DCDC2C: variants seen among roughly 807,000 people sequenced by gnomAD.
The protein encoded by DCDC2C is doublecortin domain-containing protein 2C.
A neutral mutation model predicts 45.0 loss-of-function variants in DCDC2C; 44 were observed. That is an observed-to-expected ratio of 0.98 (90% CI 0.77 to 1.26). The LOEUF (loss-of-function observed/expected upper bound fraction) is 1.26, where lower values mean the gene tolerates loss of function less well. DCDC2C is among the 50% of genes most tolerant of loss of function. DCDC2C has a pLI of 0.00. For missense variants in DCDC2C, 447 were observed against 468.9 expected, an observed-to-expected ratio of 0.95 and a Z score of 0.43; for synonymous variants, 187 against 178.8, an observed-to-expected ratio of 1.05 and a Z score of -0.37.
intron 10 of DCDC2C, among the ~76,000 whole-genome samples, chr2:3,835,350 A>G (rs572488636): frequency 5.3e-5 from 8 of 152,348 alleles, no homozygotes; most frequent in African/African-American, 1.9e-4. Flanking sequence ...GGTTTGCAAT[A>G]AAAATAGAGA....
intron 2 of DCDC2C, among the ~76,000 whole-genome samples, chr2:3,723,886 A>C (rs577147426): frequency 2.0e-5 from 3 of 152,240 alleles, no homozygotes; most frequent in Admixed American, 2.0e-4. Flanking sequence ...GGCTATGGAT[A>C]AAATCAGCAA....
chr2:3,730,049 T>C (rs1390126074), intron 3 of DCDC2C, among the ~76,000 whole-genome samples: 2 of 152,198 alleles, frequency 1.3e-5, no homozygotes, highest in East Asian at 3.8e-4. Flanking sequence ...AGCCGTTGCT[T>C]CCAGCTGCTG....
chr2:3,755,683 G>C (rs1669691462), intron 6 of DCDC2C, among the ~76,000 whole-genome samples: 1 of 152,050 alleles, frequency 6.6e-6, no homozygotes, highest in South Asian at 2.1e-4. Flanking sequence ...GTGTGGATGT[G>C]TGTATGGATG....
chr2:3,797,801 A>G (rs1336130305), intron 10 of DCDC2C, among the ~76,000 whole-genome samples: 1 of 151,468 alleles, frequency 6.6e-6, no homozygotes, highest in Non-Finnish European at 1.5e-5. Flanking sequence ...TATGTGGTCA[A>G]TTTTGAAATA....
intron 10 of DCDC2C, among the ~76,000 whole-genome samples, chr2:3,836,822 A>C (rs13397233): frequency 0.65 from 97,572 of 149,234 alleles, 32,068 homozygotes; most frequent in Middle Eastern, 0.72. Context: ...AGATCGCGCC[A>C]CTGCACTCCA....
At chr2:3,707,816 A>G (rs530751261) in intron 1 of DCDC2C, among the ~76,000 whole-genome samples, 7 of 152,244 alleles carry the variant, frequency 4.6e-5, no homozygotes, top group African/African-American at 1.4e-4. Context: ...ACACTTAGTT[A>G]TTTCTTCCCC....
intron 8 of DCDC2C, among the ~76,000 whole-genome samples, chr2:3,776,189 G>T (rs946263286): frequency 1.4e-4 from 22 of 152,112 alleles, no homozygotes; most frequent in African/African-American, 5.3e-4. Context: ...GGTGTCTTTA[G>T]CTTCTCTCAT....
chr2:3,752,911 T>G lies in DCDC2C; in HGVS notation c.683+11T>G, dbSNP rs1669584341. On this transcript the variant is annotated intron_variant, in intron 5 of 10. Transcript: ENST00000399143. The stretch of plus-strand genomic sequence containing the variant: ...CAGTGAGGTCCAACAGTGAGCATGC[T>G]TCGTACCTTTCTTTCCTGAGTTTTG... The G allele has an allele frequency of 1.3e-6, 2 of 1,546,546 alleles. No homozygotes were observed. Among genetic ancestry groups the G allele is most frequent in the Non-Finnish European group, 1.7e-6 (2 of 1,144,692 alleles).
At chr2:3,727,119 A>G (rs553611961) in intron 3 of DCDC2C, 40 bp downstream of exon 3, 103 of 1,475,820 alleles carry the variant, frequency 7.0e-5, no homozygotes, top group Admixed American at 9.9e-5. Context: ...AAACTGTGCC[A>G]TAACTCCCTA....
chr2:3,708,963 T>G (rs1668137976), intron 2 of DCDC2C, among the ~76,000 whole-genome samples: 1 of 152,232 alleles, frequency 6.6e-6, no homozygotes, highest in Non-Finnish European at 1.5e-5. Context: ...AATGCTAAAT[T>G]TAAAGATTTG....
At chr2:3,776,688 A>G (rs1445330199) in intron 8 of DCDC2C, among the ~76,000 whole-genome samples, 3 of 152,192 alleles carry the variant, frequency 2.0e-5, no homozygotes, top group Admixed American at 2.0e-4. Flanking sequence ...TGTCCTCTCT[A>G]TGTGATATAA....
intron 10 of DCDC2C, among the ~76,000 whole-genome samples, chr2:3,804,611 G>A (rs982281396): frequency 5.3e-5 from 8 of 152,148 alleles, no homozygotes; most frequent in Non-Finnish European, 7.4e-5. Context: ...TCAAAAGTAA[G>A]CATTTTGATT....
intron 3 of DCDC2C, 57 bp from the exon 4 acceptor site, chr2:3,741,863 A>G (rs1669220487): frequency 1.3e-6 from 2 of 1,485,236 alleles, no homozygotes; most frequent in Non-Finnish European, 1.8e-6. Flanking sequence ...TTGAATTTTC[A>G]ATGTTTCCCC....
chr2:3,820,987 C>A (rs1177083390), intron 10 of DCDC2C, among the ~76,000 whole-genome samples: 1 of 152,074 alleles, frequency 6.6e-6, no homozygotes, highest in Non-Finnish European at 1.5e-5. Flanking sequence ...ACCAAACAGG[C>A]TTTGTGTGAG....
chr2:3,805,317 C>G (rs971116147), intron 10 of DCDC2C, among the ~76,000 whole-genome samples: 1 of 152,194 alleles, frequency 6.6e-6, no homozygotes, highest in African/African-American at 2.4e-5. Flanking sequence ...TGAGTCCGAC[C>G]CCTGGTGGTG....
At position 3,769,325 on chromosome 2, in the gene DCDC2C, A is replaced by C; in HGVS notation, c.868A>C (p.Lys290Gln). ...TTTTCTCCCAGAAGGTGACGTGTATAAAGCACCGACTCCTAGCAAGGAAAC... is the reference window on the plus strand; with the variant it reads ...TTTTCTCCCAGAAGGTGACGTGTATCAAGCACCGACTCCTAGCAAGGAAAC... ...VQRGAEGDVY[K>Q]APTPSKETQG... The change falls in exon 8 of 11, where the codon AAA (lysine) becomes CAA (glutamine). Residue 290 changes from lysine to glutamine, a missense_variant. Coordinates refer to ENST00000399143, the MANE Select transcript of DCDC2C (RefSeq NM_001287444.2). 1 of 1,550,508 alleles carries C rather than the reference A, an allele frequency of 6.4e-7. No individual in the cohort carries two copies. The highest frequency in any genetic ancestry group is 2.4e-5 in the East Asian group (1 of 40,914).
chr2:3,732,364 G>A (rs1668896549), intron 3 of DCDC2C, among the ~76,000 whole-genome samples: 1 of 152,118 alleles, frequency 6.6e-6, no homozygotes, highest in African/African-American at 2.4e-5. Flanking sequence ...GGCTGTCAAT[G>A]GAACTGTGGT....
chr2:3,822,764 A>G (rs541541191), intron 10 of DCDC2C, among the ~76,000 whole-genome samples: 1 of 152,072 alleles, frequency 6.6e-6, no homozygotes, highest in Admixed American at 6.6e-5. Flanking sequence ...ATTTAAAGCT[A>G]TACATTTCTA....
intron 10 of DCDC2C, among the ~76,000 whole-genome samples, chr2:3,821,091 T>TTGGG (rs1357200815): frequency 6.6e-6 from 1 of 151,888 alleles, no homozygotes; most frequent in African/African-American, 2.4e-5. Flanking sequence ...TTTATAGGAT[T>TTGGG]TGGGTAGGTA....
Sources: gnomAD v4.1 joint callset for allele counts (sites outside exome capture counted in the v4.1 genomes callset) on GRCh38, gnomAD v4.1.1 for gene constraint, MANE v1.5 for transcripts, NCBI Gene and HGNC (gene_info 2026-07-23, HGNC 2026-07-21) for gene names.